Variants in KALRN observed in about 807,000 individuals in gnomAD.
KALRN encodes kalirin RhoGEF kinase.
KALRN carries 70 observed loss-of-function variants against 353.7 expected under a neutral mutation model. The observed-to-expected ratio is 0.20, with a 90% CI of 0.16 to 0.24. The LOEUF (loss-of-function observed/expected upper bound fraction) is 0.24. Among genes scored for constraint, KALRN ranks in the 10% least tolerant of loss-of-function variants. The pLI, the probability that KALRN is intolerant of heterozygous loss-of-function variation, is 1.00. For synonymous variants in KALRN, 1,391 were observed against 1,434.8 expected, an observed-to-expected ratio of 0.97 and a Z score of 0.69; for missense variants, 2,791 against 3,756.7, an observed-to-expected ratio of 0.74 and a Z score of 6.72.
Position 124,109,716 on chromosome 3 carries a change from C to T in KALRN, c.73+75903C>T, listed in dbSNP as rs28871345. Reference sequence around the variant, plus strand: ...ATATCATACTTTGATATATATATGACATATATATCATACTTTGATATATAT... The same window carrying T: ...ATATCATACTTTGATATATATATGATATATATATCATACTTTGATATATAT... On this transcript the variant is annotated intron_variant, in intron 1 of 59. Coordinates refer to ENST00000682506, the MANE Select transcript of KALRN (RefSeq NM_001388419.1). Among the ~76,000 whole-genome samples the T allele has an allele frequency of 7.0e-5, 9 of 128,280 alleles. 1 individual carries two copies. In the East Asian group the frequency reaches 9.8e-4, roughly 14 times the overall value. 84.2% of individuals were successfully genotyped at this position (128,280 alleles called of 152,430 possible).
chr3:124,558,404 A>G (rs916834427), intron 33 of KALRN, among the ~76,000 whole-genome samples: 4 of 151,932 alleles, frequency 2.6e-5, no homozygotes, highest in African/African-American at 9.7e-5. Context: ...CAGCCTCCTG[A>G]GTAGCTGGGA....
At chr3:124,353,266 C>T (rs1361810941) in intron 10 of KALRN, among the ~76,000 whole-genome samples, 1 of 151,982 alleles carries the variant, frequency 6.6e-6, no homozygotes, top group African/African-American at 2.4e-5. Flanking sequence ...ACTCTGAGTA[C>T]AATCAGCAAA....
intron 1 of KALRN, among the ~76,000 whole-genome samples, chr3:124,056,362 G>A (rs937416457): frequency 6.6e-6 from 1 of 152,140 alleles, no homozygotes; most frequent in Non-Finnish European, 1.5e-5. Flanking sequence ...TTCTATGTCT[G>A]TAGCGTGGTG....
intron 5 of KALRN, among the ~76,000 whole-genome samples, chr3:124,292,006 G>A (rs2076464809): frequency 6.6e-6 from 1 of 152,150 alleles, no homozygotes; most frequent in South Asian, 2.1e-4. Context: ...TGCAGGGTTT[G>A]CAGGATACGA....
chr3:124,284,236 A>G (rs1253281844), intron 5 of KALRN, among the ~76,000 whole-genome samples: 3 of 152,304 alleles, frequency 2.0e-5, no homozygotes, highest in East Asian at 1.9e-4. Context: ...CTTCGTAGTT[A>G]AAAGCAAATC....
chr3:124,370,141 A>G (rs992932345), intron 10 of KALRN, among the ~76,000 whole-genome samples: 3 of 152,222 alleles, frequency 2.0e-5, no homozygotes, highest in Non-Finnish European at 4.4e-5. Flanking sequence ...CCAGCCATTT[A>G]GTCCATCCCT....
chr3:124,289,587 A>G (rs1314475418), intron 5 of KALRN, among the ~76,000 whole-genome samples: 1 of 152,210 alleles, frequency 6.6e-6, no homozygotes, highest in Admixed American at 6.5e-5. Flanking sequence ...CTCATTGTGT[A>G]GAGCCTGGCA....
intron 5 of KALRN, among the ~76,000 whole-genome samples, chr3:124,296,420 TGCTCCCAGTA>T (rs551966435): frequency 3.3e-5 from 5 of 152,322 alleles, no homozygotes; most frequent in South Asian, 4.1e-4. Flanking sequence ...TCCCCAATCC[TGCTCCCAGTA>T]GCTCTCAAAT....
Position 124,398,760 on chromosome 3 carries a change from C to T in KALRN, c.2235C>T (p.Val745=). Residue 745 remains valine (V), a synonymous_variant, in exon 13 of 60, where the codon GTC becomes GTT. Coordinates refer to ENST00000682506, the MANE Select transcript of KALRN (RefSeq NM_001388419.1). ...GCTCCATCAGCCACATCGAGTCGGTCCTGCAGCAGCTTGATGATGCCCAGG... is the reference window on the plus strand; with the variant it reads ...GCTCCATCAGCCACATCGAGTCGGTTCTGCAGCAGCTTGATGATGCCCAGG... The part of the protein sequence containing the change: ...HSSSISHIES[V]LQQLDDAQVQ... 6.2e-7 allele frequency: 1 copy of T among 1,614,168 alleles called. No homozygotes were observed. Among genetic ancestry groups the T allele is most frequent in the Admixed American group, 1.7e-5 (1 of 60,032 alleles).
At chr3:124,631,531 G>T (rs1233826791) in intron 34 of KALRN, among the ~76,000 whole-genome samples, 3 of 151,972 alleles carry the variant, frequency 2.0e-5, no homozygotes, top group East Asian at 1.9e-4. Context: ...TACACACATA[G>T]TCTGTCAGCA....
chr3:124,592,606 G>C (rs1263617962), intron 34 of KALRN, among the ~76,000 whole-genome samples: 3 of 151,990 alleles, frequency 2.0e-5, no homozygotes, highest in East Asian at 3.9e-4. Flanking sequence ...GACTGTTTTT[G>C]CCTAGATAAA....
chr3:124,667,111 A>G lies in KALRN; in HGVS notation c.6631A>G (p.Asn2211Asp). 1.2e-6 allele frequency: 2 copies of G among 1,614,226 alleles called. No individual in the cohort carries two copies. Among genetic ancestry groups the G allele is most frequent in the Middle Eastern group, 1.6e-4 (1 of 6,062 alleles). The change falls in exon 47 of 60, where the codon AAC becomes GAC. Residue 2211 changes from asparagine to aspartate, a missense_variant. Physicochemically the swap from Asn to Asp is conservative, Grantham distance 23. Coordinates refer to ENST00000682506, the MANE Select transcript of KALRN (RefSeq NM_001388419.1). ...TSERVVLQAANADIQQAWVQD... is the reference protein window; with the variant it reads ...TSERVVLQAADADIQQAWVQD... ...TGAGAGGGTTGTTCTGCAAGCCGCC[A>G]ACGCTGACATCCAGCAGGCCTGGGT...
intron 1 of KALRN, among the ~76,000 whole-genome samples, chr3:124,147,997 G>A (rs2067583097): frequency 1.3e-5 from 2 of 152,142 alleles, no homozygotes; most frequent in African/African-American, 4.8e-5. Context: ...GAGGAAGAAG[G>A]GTGAGATTTG....
At chr3:124,502,591 C>G (rs1360452211) in intron 33 of KALRN, among the ~76,000 whole-genome samples, 1 of 152,184 alleles carries the variant, frequency 6.6e-6, no homozygotes, top group Non-Finnish European at 1.5e-5. Flanking sequence ...CCTTTAATCA[C>G]TTCATACCTC....
intron 33 of KALRN, among the ~76,000 whole-genome samples, chr3:124,530,877 A>G (rs2067987135): frequency 6.6e-6 from 1 of 152,202 alleles, no homozygotes. Context: ...TTCAATCGAG[A>G]ACAAAAGTGA....
rs529810541 is a variant in KALRN at position 124,587,698 on chromosome 3, C to CTTTT, written c.5182+24631_5182+24634dup. On this transcript the variant is annotated intron_variant, in intron 34 of 59. Coordinates refer to ENST00000682506, the MANE Select transcript of KALRN (RefSeq NM_001388419.1). ...TTTTTCCCTCCACCCCCACCCTCCA[C>CTTTT]TTTTTTTTTTTTTTTTTTTTTTTTT... Among the ~76,000 whole-genome samples the CTTTT allele has an allele frequency of 2.0e-3, 155 of 75,852 alleles. 14 individuals are homozygous for CTTTT. The highest frequency in any genetic ancestry group is 6.3e-3 in the African/African-American group (100 of 15,778). 49.8% of individuals were successfully genotyped at this position (75,852 alleles called of 152,430 possible).
At chr3:124,185,344 T>C (rs16835162) in intron 1 of KALRN, among the ~76,000 whole-genome samples, 25,950 of 152,220 alleles carry the variant, frequency 0.17, 2,688 homozygotes, top group East Asian at 0.51. Context: ...CTACCAAAAC[T>C]TATGTCAAGC....
chr3:124,318,201 T>C (rs1194588391), intron 6 of KALRN, among the ~76,000 whole-genome samples: 1 of 152,194 alleles, frequency 6.6e-6, no homozygotes, highest in Non-Finnish European at 1.5e-5. Flanking sequence ...GCACTGGGGC[T>C]ATTCCTGTTC....
chr3:124,642,806 G>GTTTTTTTTTTGTTGTTGTTGTTTTTT (rs1553707031), intron 37 of KALRN, among the ~76,000 whole-genome samples: 8 of 96,840 alleles, frequency 8.3e-5, no homozygotes, highest in African/African-American at 3.6e-4. Context: ...CCCAAGCCTC[G>GTTTTTTTTTTGTTGTTGTTGTTTTTT]TTTTTTTTTT....
Sources: gnomAD v4.1 joint callset for allele counts (sites outside exome capture counted in the v4.1 genomes callset) on GRCh38, gnomAD v4.1.1 for gene constraint, MANE v1.5 for transcripts, NCBI Gene and HGNC (gene_info 2026-07-23, HGNC 2026-07-21) for gene names.